Variants in THSD7B observed in about 807,000 individuals in gnomAD.
The protein encoded by THSD7B is thrombospondin type 1 domain containing 7B, also known as thrombospondin type-1 domain-containing protein 7B.
In THSD7B, 138 loss-of-function variants were observed where a neutral mutation model predicts 213.6. The observed-to-expected ratio is 0.65, with a 90% CI of 0.56 to 0.74. The LOEUF is 0.74. THSD7B is among the 30% of genes least tolerant of loss of function. The probability of loss-of-function intolerance (pLI) is 0.00; values close to 1 mark genes in which losing one functional copy is unlikely to be tolerated. For missense variants in THSD7B, 1,931 were observed against 1,991.5 expected, an observed-to-expected ratio of 0.97 and a Z score of 0.58; for synonymous variants, 742 against 687.0, an observed-to-expected ratio of 1.08 and a Z score of -1.25.
intron 10 of THSD7B, among the ~76,000 whole-genome samples, chr2:137,244,153 G>A (rs1305871078): frequency 6.6e-6 from 1 of 152,100 alleles, no homozygotes; most frequent in Non-Finnish European, 1.5e-5. Context: ...CTGACTTTGG[G>A]AATTTTAATC....
At chr2:137,589,529 A>C (rs1223907795) in intron 17 of THSD7B, among the ~76,000 whole-genome samples, 2 of 152,192 alleles carry the variant, frequency 1.3e-5, no homozygotes, top group Non-Finnish European at 2.9e-5. Context: ...TTGCTATTTT[A>C]AATTACACTG....
At chr2:137,314,592 A>C (rs1684033372) in intron 12 of THSD7B, among the ~76,000 whole-genome samples, 1 of 152,180 alleles carries the variant, frequency 6.6e-6, no homozygotes, top group South Asian at 2.1e-4. Context: ...TCTGCTTTTT[A>C]GAGTTTCCAG....
intron 4 of THSD7B, among the ~76,000 whole-genome samples, chr2:137,100,087 A>G (rs1455198981): frequency 2.3e-5 from 3 of 130,144 alleles, no homozygotes; most frequent in Admixed American, 1.7e-4. Context: ...CATTGTACCT[A>G]ATTTTAGATT....
At chr2:137,622,024 G>A (rs1180800256) in intron 20 of THSD7B, among the ~76,000 whole-genome samples, 1 of 152,158 alleles carries the variant, frequency 6.6e-6, no homozygotes, top group African/African-American at 2.4e-5. Flanking sequence ...CCCTGCACGA[G>A]TGAGAACTCA....
intron 15 of THSD7B, among the ~76,000 whole-genome samples, chr2:137,558,869 C>CCTG (rs570042285): frequency 1.1e-4 from 17 of 152,330 alleles, no homozygotes; most frequent in Middle Eastern, 3.4e-3. Flanking sequence ...AGCAAAGTCT[C>CCTG]AGGATACAAA....
At chr2:137,391,564 T>C (rs1686027282) in intron 12 of THSD7B, among the ~76,000 whole-genome samples, 1 of 151,916 alleles carries the variant, frequency 6.6e-6, no homozygotes, top group Admixed American at 6.6e-5. Flanking sequence ...AGCATGTGCC[T>C]GTATTCCCAT....
At chr2:136,892,628 C>T (rs1222056156) in intron 2 of THSD7B, among the ~76,000 whole-genome samples, 1 of 151,862 alleles carries the variant, frequency 6.6e-6, no homozygotes, top group East Asian at 1.9e-4. Flanking sequence ...GTTGTCTACT[C>T]TTCTCAAGAA....
At chr2:137,116,372 A>G (rs1359350619) in intron 5 of THSD7B, among the ~76,000 whole-genome samples, 1 of 152,180 alleles carries the variant, frequency 6.6e-6, no homozygotes, top group African/African-American at 2.4e-5. Context: ...TTTTTATTTC[A>G]GGACAAAACA....
At chr2:137,180,087 A>G (rs1406794734) in intron 7 of THSD7B, among the ~76,000 whole-genome samples, 1 of 152,172 alleles carries the variant, frequency 6.6e-6, no homozygotes, top group Non-Finnish European at 1.5e-5. Flanking sequence ...AAGATATGAG[A>G]AGAGGGACTT....
intron 15 of THSD7B, among the ~76,000 whole-genome samples, chr2:137,513,422 A>G (rs1175423575): frequency 6.6e-6 from 1 of 152,208 alleles, no homozygotes; most frequent in Non-Finnish European, 1.5e-5. Flanking sequence ...AAATAAATCT[A>G]GGCTTGATCA....
At chr2:137,530,545 T>C (rs1558828857) in intron 15 of THSD7B, among the ~76,000 whole-genome samples, 1 of 152,016 alleles carries the variant, frequency 6.6e-6, no homozygotes. Context: ...TCATCAGCCT[T>C]ACTTGGGTAA....
chr2:136,776,669 A>G (rs1374103453), intron 1 of THSD7B, among the ~76,000 whole-genome samples: 2 of 152,184 alleles, frequency 1.3e-5, no homozygotes, highest in Non-Finnish European at 2.9e-5. Flanking sequence ...AAATGCCTAC[A>G]AGATAAAAGC....
intron 2 of THSD7B, among the ~76,000 whole-genome samples, chr2:137,026,812 G>A (rs569409373): frequency 3.3e-5 from 5 of 152,062 alleles, no homozygotes; most frequent in East Asian, 1.9e-4. Flanking sequence ...TTTCACTCTC[G>A]TGTCCTGATA....
chr2:136,995,524 T>C (rs997462292), intron 2 of THSD7B, among the ~76,000 whole-genome samples: 1 of 152,150 alleles, frequency 6.6e-6, no homozygotes, highest in African/African-American at 2.4e-5. Flanking sequence ...TAATTTGAAC[T>C]AGTCTGAGTA....
intron 10 of THSD7B, among the ~76,000 whole-genome samples, chr2:137,271,931 C>A (rs1028997261): frequency 6.6e-6 from 1 of 152,078 alleles, no homozygotes; most frequent in African/African-American, 2.4e-5. Flanking sequence ...ATTAATACTT[C>A]TATTTCTCAG....
At chr2:137,242,766 T>A (rs1416165709) in intron 10 of THSD7B, among the ~76,000 whole-genome samples, 194 bp downstream of exon 10, 1 of 152,004 alleles carries the variant, frequency 6.6e-6, no homozygotes, top group African/African-American at 2.4e-5. Context: ...AGAGAAAACA[T>A]ATTTTCTTAT....
intron 9 of THSD7B, among the ~76,000 whole-genome samples, chr2:137,234,091 G>C (rs1681706226): frequency 6.6e-6 from 1 of 152,210 alleles, no homozygotes; most frequent in African/African-American, 2.4e-5. Context: ...TGAGCTGAGA[G>C]TTGCCACAGA....
chr2:137,088,205 A>G (rs537035689), intron 3 of THSD7B, among the ~76,000 whole-genome samples: 22 of 152,112 alleles, frequency 1.4e-4, no homozygotes, highest in African/African-American at 5.3e-4. Context: ...GCACCACTGC[A>G]CTCCAGCCTG....
At chr2:136,964,418 C>G (rs930354458) in intron 2 of THSD7B, among the ~76,000 whole-genome samples, 2 of 152,014 alleles carry the variant, frequency 1.3e-5, no homozygotes, top group African/African-American at 4.8e-5. Flanking sequence ...CAGTGAGACC[C>G]TGTCTCTAAA....
Sources: gnomAD v4.1 joint callset for allele counts (sites outside exome capture counted in the v4.1 genomes callset) on GRCh38, gnomAD v4.1.1 for gene constraint, MANE v1.5 for transcripts, NCBI Gene and HGNC (gene_info 2026-07-23, HGNC 2026-07-21) for gene names.